The following CSF3R variants were observed in gnomAD, a reference collection of about 807,000 sequenced individuals.
CSF3R encodes the protein colony stimulating factor 3 receptor, also known as granulocyte colony-stimulating factor receptor.
A neutral mutation model predicts 84.4 loss-of-function variants in CSF3R; 52 were observed. That is an observed-to-expected ratio of 0.62 (90% confidence interval 0.49 to 0.78). The LOEUF (loss-of-function observed/expected upper bound fraction) is 0.78. Among genes scored for constraint, CSF3R ranks in the 30% least tolerant of loss-of-function variants. The pLI is 0.00. For synonymous variants in CSF3R, 384 were observed against 429.1 expected (o/e 0.89, Z 1.30); for missense variants, 890 against 1,055.7 (o/e 0.84, Z 2.17).
At chr1:36,481,384 A>G (rs982785144) in intron 2 of CSF3R, 94 bp downstream of exon 2, 2 of 152,200 alleles carry the variant, frequency 1.3e-5, no homozygotes, top group African/African-American at 2.4e-5. Context: ...CTGTTGGAGC[A>G]TGGTCTCACT....
In CSF3R at chr1:36,466,705, G is replaced by C. The variant is rs538096821; in HGVS notation, c.2163C>G (p.Pro721=). The change falls in exon 17 of 17, where the codon CCC becomes CCG. Residue 721 remains proline (P), a synonymous_variant. Coordinates refer to ENST00000373106, the MANE Select transcript of CSF3R (RefSeq NM_000760.4). The surrounding 1 kb of genome is among the most constrained non-coding windows in gnomAD (Gnocchi z 4.6). The part of the protein sequence containing the change: ...SHNSSETCGL[P]TLVQTYVLQG... Reference sequence around the variant, plus strand: ...GGAGCACATAGGTCTGGACCAGAGTGGGGAGGCCACAGGTCTCTGAGCTGT... The same window carrying C: ...GGAGCACATAGGTCTGGACCAGAGTCGGGAGGCCACAGGTCTCTGAGCTGT... 26 of 1,614,206 alleles carry C rather than the reference G, an allele frequency of 1.6e-5. No individual in the cohort carries two copies. The South Asian group carries it at 2.2e-4, about 14-fold the overall frequency.
intron 3 of CSF3R, chr1:36,476,135 T>C (rs192300921): frequency 1.4e-3 from 217 of 158,622 alleles, no homozygotes; most frequent in Non-Finnish European, 2.3e-3. Context: ...GCCACAGCAA[T>C]CTTTTCACAA....
chr1:36,478,677 A>G lies in CSF3R; in HGVS notation c.64+756T>C, dbSNP rs552924910. On this transcript the variant is annotated intron_variant, in intron 3 of 16. Transcript: ENST00000373106. Reference sequence around the variant, plus strand: ...AGCCTGGGCAACATGGCAAAACTACATCTCTACAAAAAAATACAACAACAA... The same window carrying G: ...AGCCTGGGCAACATGGCAAAACTACGTCTCTACAAAAAAATACAACAACAA... Among the ~76,000 whole-genome samples the G allele has an allele frequency of 2.6e-4, 39 of 150,794 alleles. No homozygotes were observed. In the South Asian group the frequency reaches 8.0e-3, roughly 31 times the overall value.
chr1:36,474,453 A>G (rs1293205355), intron 4 of CSF3R, among the ~76,000 whole-genome samples: 1 of 130,170 alleles, frequency 7.7e-6, no homozygotes, highest in African/African-American at 3.0e-5. Flanking sequence ...GCTGGAGTGC[A>G]GTGGCGTGAT....
intron 12 of CSF3R, 54 bp from the exon 13 acceptor site, chr1:36,468,275 C>A: frequency 1.3e-6 from 2 of 1,513,354 alleles, no homozygotes; most frequent in East Asian, 2.3e-5. Context: ...AGCAAGAGCC[C>A]GGTTGGACTT....
In CSF3R at chr1:36,466,945, CA is replaced by C. The variant is rs1231002240; in HGVS notation, c.2041-119del. 6.2e-7 allele frequency: 1 copy of C among 1,610,360 alleles called. No individual in the cohort carries two copies. The highest frequency in any genetic ancestry group is 1.7e-5 in the Admixed American group (1 of 59,826). ...TTCAACTGTTGTTACTGGTGGAACA[CA>C]AAGGGTACCACTTGCAAAGCACTAG... is the stretch of plus-strand genomic sequence containing the variant. On this transcript the variant is annotated intron_variant, in intron 16 of 16. Transcript: ENST00000373106. The surrounding 1 kb of genome is among the most constrained non-coding windows in gnomAD (Gnocchi z 4.6).
In CSF3R at chr1:36,466,245, G is replaced by C. The variant is rs1468176758; in HGVS notation, c.*112C>G. ...AGGGAGATGCTGGTGACTGGAGATG[G>C]TGAGAGCCTGGGCTGGGGTAGTTTT... On this transcript the variant is annotated 3_prime_UTR_variant, in exon 17 of 17. Coordinates refer to ENST00000373106, the MANE Select transcript of CSF3R (RefSeq NM_000760.4). The surrounding 1 kb of genome is among the most constrained non-coding windows in gnomAD (Gnocchi z 4.6). 6.2e-7 allele frequency: 1 copy of C among 1,613,974 alleles called. No individual in the cohort carries two copies. The highest frequency in any genetic ancestry group is 8.5e-7 in the Non-Finnish European group (1 of 1,179,968).
chr1:36,475,403 A>C lies in CSF3R; in HGVS notation c.335T>G (p.Leu112Arg). The C allele has an allele frequency of 6.2e-7, 1 of 1,614,030 alleles. No homozygotes were observed. The highest frequency in any genetic ancestry group is 2.2e-5 in the East Asian group (1 of 44,886). ...CLNWGNSLQI[L>R]DQVELRAGYP... ...GCCTGCGCGCAGCTCAACCTGGTCCAGGATCTGCAGGCTGTTGCCCCAGTT... is the reference window on the plus strand; with the variant it reads ...GCCTGCGCGCAGCTCAACCTGGTCCCGGATCTGCAGGCTGTTGCCCCAGTT... Residue 112 changes from leucine to arginine, a missense_variant, in exon 4 of 17, where the codon CTG becomes CGG. Transcript: ENST00000373106.
intron 6 of CSF3R, 39 bp downstream of exon 6, chr1:36,473,396 C>T (rs1157305353): frequency 1.2e-6 from 2 of 1,608,096 alleles, no homozygotes; most frequent in African/African-American, 2.7e-5. Flanking sequence ...TCAGTGTCTG[C>T]CCATTTTGGG....
At position 36,466,916 on chromosome 1, in the gene CSF3R, G is replaced by A. The variant is rs370189850; in HGVS notation, c.2041-89C>T. The A allele has an allele frequency of 4.5e-4, 722 of 1,613,486 alleles. No homozygotes were observed. The highest frequency in any genetic ancestry group is 5.7e-4 in the Non-Finnish European group (667 of 1,180,036). On this transcript the variant is annotated intron_variant, in intron 16 of 16. Coordinates refer to ENST00000373106, the MANE Select transcript of CSF3R (RefSeq NM_000760.4). The surrounding 1 kb of genome is among the most constrained non-coding windows in gnomAD (Gnocchi z 4.6). ...CTGTCTGGGTCCGGGCAGCTGTGGGGACATTCAACTGTTGTTACTGGTGGA... is the reference window on the plus strand; with the variant it reads ...CTGTCTGGGTCCGGGCAGCTGTGGGAACATTCAACTGTTGTTACTGGTGGA...
intron 4 of CSF3R, among the ~76,000 whole-genome samples, chr1:36,475,013 C>CT (rs1163546852): frequency 7.0e-6 from 1 of 143,176 alleles, no homozygotes; most frequent in Non-Finnish European, 1.5e-5. Context: ...TTTTTTTCTT[C>CT]TTTTTTTTGA....
At position 36,472,089 on chromosome 1, in the gene CSF3R, T is replaced by C; in HGVS notation, c.1048A>G (p.Arg350Gly). The C allele has an allele frequency of 6.2e-7, 1 of 1,613,712 alleles. No homozygotes were observed. Among genetic ancestry groups the C allele is most frequent in the Non-Finnish European group, 8.5e-7 (1 of 1,180,028 alleles). Reference sequence around the variant, plus strand: ...ACCTTCCAGAACAGCTGCACTGTCCTGGGGTCCAGCTGCCTCTGCCGCCAC... The same window carrying C: ...ACCTTCCAGAACAGCTGCACTGTCCCGGGGTCCAGCTGCCTCTGCCGCCAC... ...TWWRQRQLDPRTVQLFWKPVP... is the reference protein window; with the variant it reads ...TWWRQRQLDPGTVQLFWKPVP... Residue 350 changes from arginine (R) to glycine (G), a missense_variant, in exon 9 of 17, where the codon AGG (arginine) becomes GGG (glycine). Transcript: ENST00000373106. This position sits in a 1 kb window ranked among gnomAD's most constrained non-coding sequence, Gnocchi z 5.0.
At position 36,472,297 on chromosome 1, in the gene CSF3R, G is replaced by GGCCA; in HGVS notation, c.934_937dup (p.Pro313LeufsTer101). Reference sequence around the variant, plus strand: ...CCAGTCGCTCCAGTGGCCAGGCAGGGGCCAGCGGATGCAGCGTATCTGCAG... The same window carrying GGCCA: ...CCAGTCGCTCCAGTGGCCAGGCAGGGGCCAGCCAGCGGATGCAGCGTATCTGCAG... On this transcript the variant is annotated frameshift_variant, in exon 8 of 17. Transcript: ENST00000373106. LOFTEE classifies it high-confidence loss of function. This position sits in a 1 kb window ranked among gnomAD's most constrained non-coding sequence, Gnocchi z 5.0. 1 of 1,614,200 alleles carries GGCCA rather than the reference G, an allele frequency of 6.2e-7. No homozygotes were observed. Among genetic ancestry groups the GGCCA allele is most frequent in the South Asian group, 1.1e-5 (1 of 91,082 alleles).
In CSF3R at chr1:36,470,432, G is replaced by A. The variant is rs1265744371; in HGVS notation, c.1286-592C>T. On this transcript the variant is annotated intron_variant, in intron 10 of 16. Coordinates refer to ENST00000373106, the MANE Select transcript of CSF3R (RefSeq NM_000760.4). ...CCTCCTGACCTCAGATGATCCGCCC[G>A]CCTCAGCCTCCCAAAGTGCTGGGAT... is the stretch of plus-strand genomic sequence containing the variant. Among the ~76,000 whole-genome samples the A allele has an allele frequency of 3.9e-5, 6 of 152,098 alleles. No homozygotes were observed. In the East Asian group the frequency reaches 1.2e-3, roughly 29 times the overall value.
chr1:36,479,607 G>T, intron 2 of CSF3R, 91 bp from the exon 3 acceptor site: 1 of 1,028,674 alleles, frequency 9.7e-7, no homozygotes, highest in South Asian at 1.3e-5. Flanking sequence ...TGACTAGGTT[G>T]CTTGACTTCT....
chr1:36,467,994 G>A lies in CSF3R; in HGVS notation c.1724-32C>T, dbSNP rs1420753803. 1 of 1,614,210 alleles carries A rather than the reference G, an allele frequency of 6.2e-7. No homozygotes were observed. The stretch of plus-strand genomic sequence containing the variant: ...GGGGTGTACGGTCAGCATAGGCCTG[G>A]ATGGTAAAGCTGCCTCCGTGGCAGC... On this transcript the variant is annotated intron_variant, in intron 13 of 16. Coordinates refer to ENST00000373106, the MANE Select transcript of CSF3R (RefSeq NM_000760.4). The surrounding 1 kb of genome is among the most constrained non-coding windows in gnomAD (Gnocchi z 4.1).
At chr1:36,473,344 T>G in intron 6 of CSF3R, 91 bp downstream of exon 6, 7 of 1,454,382 alleles carry the variant, frequency 4.8e-6, no homozygotes, top group Non-Finnish European at 5.7e-6. Flanking sequence ...TTCCAGTGTC[T>G]TCTTGTCTGT....
chr1:36,479,509 A>C lies in CSF3R; in HGVS notation c.-13T>G, dbSNP rs1387711229. 2.5e-6 allele frequency: 4 copies of C among 1,613,714 alleles called. No individual in the cohort carries two copies. The South Asian group carries it at 3.3e-5, about 13-fold the overall frequency. ...CCAGCCTTGCCATAGCACCAACTTGATGTTCACCTGTAGGCAGAAGGGTTG... is the reference window on the plus strand; with the variant it reads ...CCAGCCTTGCCATAGCACCAACTTGCTGTTCACCTGTAGGCAGAAGGGTTG... On this transcript the variant is annotated 5_prime_UTR_variant, in exon 3 of 17. Coordinates refer to ENST00000373106, the MANE Select transcript of CSF3R (RefSeq NM_000760.4).
In CSF3R at chr1:36,475,552, C is replaced by T. The variant is rs1325502909; in HGVS notation, c.186G>A (p.Leu62=). 1 of 1,614,060 alleles carries T rather than the reference C, an allele frequency of 6.2e-7. No individual in the cohort carries two copies. The highest frequency in any genetic ancestry group is 8.5e-7 in the Non-Finnish European group (1 of 1,179,946). Residue 62 remains leucine, a synonymous_variant, in exon 4 of 17, where the codon CTG becomes CTA. Coordinates refer to ENST00000373106, the MANE Select transcript of CSF3R (RefSeq NM_000760.4). ...CSHLDPEPQI[L]WRLGAELQPG... is the part of the protein sequence containing the mutation. ...GCTGAAGCTCTGCTCCCAGTCTCCA[C>T]AGAATCTGTGGCTCCGGGTCCAGAT... is the stretch of plus-strand genomic sequence containing the variant.
Sources: allele counts gnomAD v4.1 joint callset (sites outside exome capture counted in the v4.1 genomes callset), GRCh38; gene constraint gnomAD v4.1.1; non-coding constraint Gnocchi (gnomAD v3.1); transcripts MANE v1.5; gene names NCBI Gene and HGNC (gene_info 2026-07-23, HGNC 2026-07-21).